Variants in CPVL observed in about 807,000 individuals in gnomAD.
CPVL encodes carboxypeptidase vitellogenic like.
A neutral mutation model predicts 63.7 loss-of-function variants in CPVL; 51 were observed. The observed-to-expected ratio is 0.80, with a 90% CI of 0.64 to 1.01. CPVL has a LOEUF of 1.01. CPVL is among the 50% of genes least tolerant of loss of function. CPVL has a pLI of 0.00. For missense variants in CPVL, 530 were observed against 573.1 expected, an observed-to-expected ratio of 0.92 and a Z score of 0.77; for synonymous variants, 195 against 206.0, an observed-to-expected ratio of 0.95 and a Z score of 0.46.
At chr7:29,066,796 G>A (rs1327207630) in intron 9 of CPVL, among the ~76,000 whole-genome samples, 1 of 152,222 alleles carries the variant, frequency 6.6e-6, no homozygotes, top group African/African-American at 2.4e-5. Context: ...CTGAGCGGGA[G>A]AGCAGTCAGC....
At chr7:29,096,971 C>T (rs1356419446) in intron 3 of CPVL, among the ~76,000 whole-genome samples, 3 of 119,048 alleles carry the variant, frequency 2.5e-5, no homozygotes, top group East Asian at 2.6e-4. Context: ...GGTGACAGAG[C>T]GAGACTCTGT....
At chr7:29,092,581 G>T in intron 6 of CPVL, 42 bp downstream of exon 6, 1 of 1,383,444 alleles carries the variant, frequency 7.2e-7, no homozygotes, top group Non-Finnish European at 1.0e-6. Context: ...ATAGAAAAAT[G>T]TTTGGTCTTA....
intron 12 of CPVL, among the ~76,000 whole-genome samples, chr7:29,028,858 G>A (rs963032597): frequency 7.3e-5 from 11 of 151,078 alleles, no homozygotes; most frequent in Admixed American, 2.0e-4. Flanking sequence ...CCAGCTACTC[G>A]GAAGGCTGAG....
intron 5 of CPVL, among the ~76,000 whole-genome samples, chr7:29,159,711 C>T (rs1254952672): frequency 6.6e-6 from 1 of 152,114 alleles, no homozygotes; most frequent in Non-Finnish European, 1.5e-5. Flanking sequence ...AGCACACATC[C>T]TGGGATTACT....
chr7:29,080,520 T>C (rs1784600265), intron 7 of CPVL, among the ~76,000 whole-genome samples: 2 of 143,202 alleles, frequency 1.4e-5, no homozygotes, highest in African/African-American at 5.3e-5. Context: ...ATGGCAATGC[T>C]GCACTCCAGC....
upstream of CPVL, chr7:29,148,798 A>G (rs1793135556): frequency 6.6e-6 from 1 of 152,212 alleles, no homozygotes; most frequent in Non-Finnish European, 1.5e-5. Context: ...TGAAGGGGAC[A>G]CACAGATTGA....
intron 1 of CPVL, chr7:29,122,588 C>T (rs938646599): frequency 1.3e-5 from 2 of 152,024 alleles, no homozygotes; most frequent in Non-Finnish European, 2.9e-5. Context: ...AAAATTTGGC[C>T]AAGGAAAAAA....
intron 11 of CPVL, among the ~76,000 whole-genome samples, chr7:29,055,535 G>A (rs1219055460): frequency 6.6e-6 from 1 of 152,104 alleles, no homozygotes; most frequent in African/African-American, 2.4e-5. Context: ...ACAGGCATGA[G>A]CCACCGTGCC....
intron 11 of CPVL, among the ~76,000 whole-genome samples, chr7:29,055,761 C>A (rs138637874): frequency 0.012 from 1,862 of 152,300 alleles, 51 homozygotes; most frequent in Admixed American, 0.063. Flanking sequence ...TGCTCTTGCT[C>A]CACAGAATTC....
intron 2 of CPVL, among the ~76,000 whole-genome samples, chr7:29,116,831 T>C (rs554521282): frequency 6.6e-6 from 1 of 152,352 alleles, no homozygotes; most frequent in Non-Finnish European, 1.5e-5. Context: ...TACATAAAAC[T>C]AAGCCAGCTA....
intron 5 of CPVL, among the ~76,000 whole-genome samples, chr7:29,094,104 G>A (rs1003437829): frequency 6.6e-6 from 1 of 152,188 alleles, no homozygotes. Context: ...ACTTTGGGAG[G>A]CTGAGGTGGG....
At chr7:29,080,829 C>T (rs17748997) in intron 7 of CPVL, among the ~76,000 whole-genome samples, 16,046 of 152,240 alleles carry the variant, frequency 0.11, 1,066 homozygotes, top group Middle Eastern at 0.15. Context: ...TCCCATTAAG[C>T]TCCCTAATTC....
At chr7:29,091,218 C>A (rs1404566881) in intron 6 of CPVL, among the ~76,000 whole-genome samples, 2 of 152,160 alleles carry the variant, frequency 1.3e-5, no homozygotes, top group East Asian at 3.9e-4. Flanking sequence ...GTCGACATCC[C>A]CATATGGAGG....
intron 1 of CPVL, among the ~76,000 whole-genome samples, chr7:29,140,800 C>A (rs1791787949): frequency 6.6e-6 from 1 of 152,140 alleles, no homozygotes; most frequent in African/African-American, 2.4e-5. Flanking sequence ...TAGACAGGCA[C>A]AACTGTGGGA....
At chr7:29,002,797 A>G (rs908568221) in intron 12 of CPVL, among the ~76,000 whole-genome samples, 18 of 151,634 alleles carry the variant, frequency 1.2e-4, no homozygotes, top group East Asian at 7.7e-4. Context: ...AAGAAACACT[A>G]TATGAACTGG....
intron 11 of CPVL, among the ~76,000 whole-genome samples, chr7:29,059,833 C>T (rs1791097318): frequency 6.6e-6 from 1 of 152,166 alleles, no homozygotes; most frequent in South Asian, 2.1e-4. Flanking sequence ...CCATTTGTTT[C>T]CATGGAGGGT....
chr7:29,025,817 T>C (rs1787436226), intron 12 of CPVL, among the ~76,000 whole-genome samples: 1 of 152,068 alleles, frequency 6.6e-6, no homozygotes, highest in Non-Finnish European at 1.5e-5. Context: ...CACCCAAATA[T>C]ATAAAGCAAA....
chr7:29,057,236 A>G (rs1203481306), intron 11 of CPVL, among the ~76,000 whole-genome samples: 1 of 152,128 alleles, frequency 6.6e-6, no homozygotes, highest in Non-Finnish European at 1.5e-5. Flanking sequence ...GATTATAGAC[A>G]TGAGCCACTG....
intron 4 of CPVL, among the ~76,000 whole-genome samples, chr7:29,182,877 A>G (rs73684608): frequency 3.3e-5 from 5 of 152,304 alleles, no homozygotes; most frequent in African/African-American, 1.2e-4. Flanking sequence ...GTGGAAAATC[A>G]TGACAGCCTG....
Sources: gnomAD v4.1 joint callset for allele counts (sites outside exome capture counted in the v4.1 genomes callset) on GRCh38, gnomAD v4.1.1 for gene constraint, MANE v1.5 for transcripts, NCBI Gene and HGNC (gene_info 2026-07-23, HGNC 2026-07-21) for gene names.